FOXP2: variants seen among roughly 807,000 people sequenced by gnomAD.
FOXP2 encodes forkhead box P2.
FOXP2 carries 12 observed loss-of-function variants against 115.8 expected under a neutral mutation model. The ratio of observed to expected loss-of-function variants is 0.10; its 90% CI spans 0.07 to 0.17. The LOEUF (loss-of-function observed/expected upper bound fraction) is 0.17. Ranked by LOEUF, FOXP2 falls within the 10% of genes least tolerant of loss-of-function variation. The probability of loss-of-function intolerance (pLI) is 1.00; values close to 1 mark genes in which losing one functional copy is unlikely to be tolerated. For missense variants in FOXP2, 629 were observed against 843.5 expected, an observed-to-expected ratio of 0.75 and a Z score of 3.15; for synonymous variants, 328 against 297.7, an observed-to-expected ratio of 1.10 and a Z score of -1.05.
At chr7:114,606,526 A>T (rs1009993601) in intron 3 of FOXP2, among the ~76,000 whole-genome samples, 4 of 152,186 alleles carry the variant, frequency 2.6e-5, no homozygotes, top group African/African-American at 7.2e-5. Flanking sequence ...CAATGAGAAA[A>T]TTATTTTATT....
Position 114,692,628 on chromosome 7 carries a change from G to A in FOXP2, c.*2702G>A. 1 of 448,346 alleles carries A rather than the reference G, an allele frequency of 2.2e-6. No homozygotes were observed. The highest frequency in any genetic ancestry group is 1.6e-5 in the South Asian group (1 of 62,914). 27.8% of individuals were successfully genotyped at this position (448,346 alleles called of 1,614,324 possible). On this transcript the variant is annotated 3_prime_UTR_variant, in exon 17 of 17. Coordinates refer to ENST00000350908, the MANE Select transcript of FOXP2 (RefSeq NM_014491.4). ...CATCTGCTTTGCGTAGCTATTGTAAGGCTTTGAACTAATGTATGTATTTAT... is the reference window on the plus strand; with the variant it reads ...CATCTGCTTTGCGTAGCTATTGTAAAGCTTTGAACTAATGTATGTATTTAT...
chr7:114,457,758 C>T (rs866110661), intron 2 of FOXP2, among the ~76,000 whole-genome samples: 4 of 151,860 alleles, frequency 2.6e-5, no homozygotes, highest in African/African-American at 7.3e-5. Flanking sequence ...ACTAGCCAGG[C>T]GTGGTGGCAG....
At chr7:114,343,945 C>T (rs1394744926) in intron 2 of FOXP2, among the ~76,000 whole-genome samples, 1 of 151,652 alleles carries the variant, frequency 6.6e-6, no homozygotes, top group Non-Finnish European at 1.5e-5. Context: ...CCACCTCACA[C>T]TAGAATGTAA....
At chr7:114,318,376 T>C (rs1797324210) in intron 2 of FOXP2, among the ~76,000 whole-genome samples, 1 of 111,452 alleles carries the variant, frequency 9.0e-6, no homozygotes, top group Non-Finnish European at 1.7e-5. Flanking sequence ...GATGTCTCTC[T>C]TTGTTTTTTT....
In FOXP2 at chr7:114,692,376, T is replaced by C; in HGVS notation, c.*2450T>C. The stretch of plus-strand genomic sequence containing the variant: ...TTAAAAAATAGCTGCTTGCACATTA[T>C]ACCAGAAAAACCTCCAAAACTGCAA... On this transcript the variant is annotated 3_prime_UTR_variant, in exon 17 of 17. Coordinates refer to ENST00000350908, the MANE Select transcript of FOXP2 (RefSeq NM_014491.4). The C allele has an allele frequency of 2.2e-6, 1 of 453,078 alleles. No individual in the cohort carries two copies. Among genetic ancestry groups the C allele is most frequent in the South Asian group, 1.6e-5 (1 of 64,134 alleles). 28.1% of individuals were successfully genotyped at this position (453,078 alleles called of 1,614,324 possible).
chr7:114,166,728 A>G (rs1792994159), intron 1 of FOXP2, among the ~76,000 whole-genome samples: 1 of 152,158 alleles, frequency 6.6e-6, no homozygotes, highest in Non-Finnish European at 1.5e-5. Context: ...TAAATAAAAT[A>G]AGAAAACATG....
chr7:114,135,073 T>G (rs1839560), intron 1 of FOXP2, among the ~76,000 whole-genome samples: 1 of 152,226 alleles, frequency 6.6e-6, no homozygotes, highest in Admixed American at 6.5e-5. Context: ...TATATTCATA[T>G]AGGAAGAATT....
chr7:114,488,153 G>A (rs1208147144), intron 2 of FOXP2, among the ~76,000 whole-genome samples: 2 of 152,096 alleles, frequency 1.3e-5, no homozygotes, highest in African/African-American at 4.8e-5. Context: ...CTGATACAGT[G>A]GCAGGCAAGA....
intron 3 of FOXP2, among the ~76,000 whole-genome samples, chr7:114,561,729 T>A (rs1235580403): frequency 6.6e-6 from 1 of 152,172 alleles, no homozygotes; most frequent in African/African-American, 2.4e-5. Context: ...ATGAATCGAT[T>A]CCTTTAAAAA....
At chr7:114,238,310 G>A (rs1000468070) in intron 1 of FOXP2, among the ~76,000 whole-genome samples, 1 of 151,430 alleles carries the variant, frequency 6.6e-6, no homozygotes, top group Admixed American at 6.6e-5. Flanking sequence ...TTTTCCTTAG[G>A]AAATTGTGAT....
At chr7:114,166,527 T>C (rs1423626696) in intron 1 of FOXP2, among the ~76,000 whole-genome samples, 1 of 151,940 alleles carries the variant, frequency 6.6e-6, no homozygotes, top group African/African-American at 2.4e-5. Context: ...ACATTGTGAA[T>C]CCTTGTCGCT....
At chr7:114,466,729 G>A (rs934879464) in intron 2 of FOXP2, among the ~76,000 whole-genome samples, 1 of 152,062 alleles carries the variant, frequency 6.6e-6, no homozygotes. Context: ...CATATTTTAG[G>A]AATCGTTGCC....
intron 1 of FOXP2, among the ~76,000 whole-genome samples, chr7:114,191,847 G>A (rs543259876): frequency 6.6e-6 from 1 of 152,090 alleles, no homozygotes; most frequent in South Asian, 2.1e-4. Context: ...ACAAATGTAC[G>A]ATGTCATATA....
At chr7:114,184,907 C>T (rs1793552876) in intron 1 of FOXP2, among the ~76,000 whole-genome samples, 1 of 152,094 alleles carries the variant, frequency 6.6e-6, no homozygotes, top group South Asian at 2.1e-4. Flanking sequence ...TCTAAAATCT[C>T]ATAGCTAGGA....
intron 1 of FOXP2, among the ~76,000 whole-genome samples, chr7:114,166,458 C>T (rs1277546522): frequency 3.3e-5 from 5 of 152,150 alleles, no homozygotes; most frequent in Non-Finnish European, 7.3e-5. Context: ...AATCCCAACA[C>T]TTTGGGAGTT....
rs145019945 is a variant in FOXP2 at position 114,539,834 on chromosome 7, C to G, written c.258+5128C>G. ...TGGAAAACTTACCATATGATCTACT[C>G]ATGGCATATAGAAGAAAGAACCATG... On this transcript the variant is annotated intron_variant, in intron 3 of 16. Coordinates refer to ENST00000350908, the MANE Select transcript of FOXP2 (RefSeq NM_014491.4). 4.2e-3 allele frequency among the ~76,000 whole-genome samples: 636 copies of G among 152,092 alleles called. 8 individuals carry two copies. Among genetic ancestry groups the G allele is most frequent in the African/African-American group, 0.015 (604 of 41,516 alleles).
At chr7:114,156,192 C>G (rs1792664282) in intron 1 of FOXP2, among the ~76,000 whole-genome samples, 1 of 152,108 alleles carries the variant, frequency 6.6e-6, no homozygotes, top group South Asian at 2.1e-4. Context: ...TATCAGGAGA[C>G]TGCCTTTTCC....
At chr7:114,144,818 G>T (rs1562980046) in intron 1 of FOXP2, among the ~76,000 whole-genome samples, 1 of 152,070 alleles carries the variant, frequency 6.6e-6, no homozygotes, top group East Asian at 1.9e-4. Context: ...TGTTTATTTT[G>T]AGTACAACAG....
intron 1 of FOXP2, among the ~76,000 whole-genome samples, chr7:114,095,407 A>G (rs1799625444): frequency 6.6e-6 from 1 of 152,190 alleles, no homozygotes; most frequent in African/African-American, 2.4e-5. Flanking sequence ...AAATGACCAC[A>G]GTCACTTTGC....
Sources: allele counts gnomAD v4.1 joint callset (sites outside exome capture counted in the v4.1 genomes callset), GRCh38; gene constraint gnomAD v4.1.1; transcripts MANE v1.5; gene names NCBI Gene and HGNC (gene_info 2026-07-23, HGNC 2026-07-21).